TTC27: variants seen among roughly 807,000 people sequenced by gnomAD.
TTC27 encodes the protein tetratricopeptide repeat domain 27.
A neutral mutation model predicts 115.9 loss-of-function variants in TTC27; 79 were observed. That is an observed-to-expected ratio of 0.68 (90% CI 0.57 to 0.82). The LOEUF is 0.82. Ranked by LOEUF, TTC27 falls within the 40% of genes least tolerant of loss-of-function variation. The pLI, the probability that TTC27 is intolerant of heterozygous loss-of-function variation, is 0.00. For missense variants in TTC27, 1,054 were observed against 993.1 expected (o/e 1.06, Z -0.82); for synonymous variants, 401 against 356.0 (o/e 1.13, Z -1.42).
chr2:32,754,256 A>G (rs910468647), intron 12 of TTC27, among the ~76,000 whole-genome samples: 1 of 151,516 alleles, frequency 6.6e-6, no homozygotes, highest in African/African-American at 2.4e-5. Flanking sequence ...CAAGTGAACA[A>G]AGGTCTCTGG....
At chr2:32,774,892 C>G (rs1669943041) in intron 13 of TTC27, among the ~76,000 whole-genome samples, 1 of 152,096 alleles carries the variant, frequency 6.6e-6, no homozygotes. Context: ...TAGGATTTTT[C>G]CTTCCAATGC....
At chr2:32,814,538 A>ATTGTTCCTCCACCCCACCTGTT (rs2148050090) in intron 18 of TTC27, among the ~76,000 whole-genome samples, 1 of 152,226 alleles carries the variant, frequency 6.6e-6, no homozygotes, top group East Asian at 1.9e-4. Flanking sequence ...TCTTCAAAAC[A>ATTGTTCCTCCACCCCACCTGTT]TTGTTCCTCC....
At chr2:32,716,465 G>A (rs1169537535) in intron 10 of TTC27, among the ~76,000 whole-genome samples, 1 of 151,888 alleles carries the variant, frequency 6.6e-6, no homozygotes, top group African/African-American at 2.4e-5. Flanking sequence ...TTTTTTAGTT[G>A]TTATTCTAGT....
chr2:32,656,560 G>A (rs765800083), intron 5 of TTC27, among the ~76,000 whole-genome samples: 5 of 152,192 alleles, frequency 3.3e-5, no homozygotes, highest in African/African-American at 4.8e-5. Context: ...GAAGGAGCTA[G>A]ATCACGAGGA....
At chr2:32,804,170 A>G (rs1183191867) in intron 16 of TTC27, among the ~76,000 whole-genome samples, 1 of 152,168 alleles carries the variant, frequency 6.6e-6, no homozygotes, top group Non-Finnish European at 1.5e-5. Flanking sequence ...TGTAGAATAA[A>G]ATATCAAAGA....
chr2:32,793,101 A>G (rs1670591127), intron 16 of TTC27, among the ~76,000 whole-genome samples: 1 of 152,180 alleles, frequency 6.6e-6, no homozygotes, highest in Non-Finnish European at 1.5e-5. Flanking sequence ...TCAGTGGGAT[A>G]GTATTGGTTT....
intron 10 of TTC27, among the ~76,000 whole-genome samples, chr2:32,730,940 A>C (rs1477723301): frequency 6.6e-6 from 1 of 152,118 alleles, no homozygotes; most frequent in Non-Finnish European, 1.5e-5. Flanking sequence ...ACTTTTGTAT[A>C]TTAATTTAAT....
At chr2:32,632,047 G>A (rs532836946) in intron 2 of TTC27, among the ~76,000 whole-genome samples, 1 of 151,956 alleles carries the variant, frequency 6.6e-6, no homozygotes, top group Non-Finnish European at 1.5e-5. Flanking sequence ...CTGACCTCAG[G>A]TGATCTGCCC....
At chr2:32,639,846 T>C (rs1466203952) in intron 3 of TTC27, among the ~76,000 whole-genome samples, 1 of 152,080 alleles carries the variant, frequency 6.6e-6, no homozygotes, top group Non-Finnish European at 1.5e-5. Context: ...CTACTTAAAA[T>C]ACAAAAACTT....
At chr2:32,723,044 A>C (rs1326156425) in intron 10 of TTC27, among the ~76,000 whole-genome samples, 1 of 152,196 alleles carries the variant, frequency 6.6e-6, no homozygotes, top group Non-Finnish European at 1.5e-5. Context: ...TTTACTAGTG[A>C]TACTAAAAAA....
intron 5 of TTC27, among the ~76,000 whole-genome samples, chr2:32,657,826 A>T (rs1005969255): frequency 5.4e-5 from 8 of 149,386 alleles, no homozygotes; most frequent in South Asian, 2.1e-4. Flanking sequence ...AATGTAAATT[A>T]AAAAAAAAAT....
At chr2:32,738,848 G>T (rs938179040) in intron 12 of TTC27, among the ~76,000 whole-genome samples, 15 of 152,146 alleles carry the variant, frequency 9.9e-5, no homozygotes, top group Non-Finnish European at 1.8e-4. Context: ...ATACCCAAAA[G>T]TAGATGAAGC....
chr2:32,726,874 G>T (rs1455297315), intron 10 of TTC27, among the ~76,000 whole-genome samples: 2 of 152,198 alleles, frequency 1.3e-5, no homozygotes, highest in African/African-American at 4.8e-5. Context: ...ATGGTGGAAG[G>T]CAAGGAGCAG....
intron 13 of TTC27, among the ~76,000 whole-genome samples, chr2:32,765,587 C>T (rs570110190): frequency 6.6e-6 from 1 of 152,298 alleles, no homozygotes; most frequent in Admixed American, 6.5e-5. Context: ...GAGAGTCAGC[C>T]TGTCCTTTGA....
At chr2:32,767,563 G>A (rs940435616) in intron 13 of TTC27, among the ~76,000 whole-genome samples, 18 of 145,916 alleles carry the variant, frequency 1.2e-4, no homozygotes, top group Admixed American at 5.7e-4. Flanking sequence ...CCAGGTTCAC[G>A]CCATTCTCCT....
intron 17 of TTC27, among the ~76,000 whole-genome samples, chr2:32,811,530 A>C (rs1353834944): frequency 2.6e-5 from 4 of 152,018 alleles, no homozygotes; most frequent in Non-Finnish European, 5.9e-5. Context: ...TTTACTCCAT[A>C]CCCCTTTCTG....
chr2:32,793,281 G>T (rs2148028242), intron 16 of TTC27, among the ~76,000 whole-genome samples: 1 of 152,176 alleles, frequency 6.6e-6, no homozygotes, highest in African/African-American at 2.4e-5. Context: ...TGTCAATCAA[G>T]AATCCTTTAT....
At chr2:32,699,535 C>G (rs916454338) in intron 9 of TTC27, among the ~76,000 whole-genome samples, 2 of 152,130 alleles carry the variant, frequency 1.3e-5, no homozygotes, top group African/African-American at 4.8e-5. Context: ...TTTAAAATGC[C>G]ATTTTCTAAT....
intron 10 of TTC27, among the ~76,000 whole-genome samples, chr2:32,711,666 G>GC (rs1235176058): frequency 6.6e-6 from 1 of 152,178 alleles, no homozygotes; most frequent in African/African-American, 2.4e-5. Flanking sequence ...AAGGCTGGGG[G>GC]CGGTGGCTCA....
Sources: allele counts gnomAD v4.1 joint callset (sites outside exome capture counted in the v4.1 genomes callset), GRCh38; gene constraint gnomAD v4.1.1; transcripts MANE v1.5; gene names NCBI Gene and HGNC (gene_info 2026-07-23, HGNC 2026-07-21).